The following SDCCAG8 variants were observed in gnomAD, a reference collection of about 807,000 sequenced individuals.
SDCCAG8 encodes serologically defined colon cancer antigen 8.
SDCCAG8 carries 74 observed loss-of-function variants against 101.8 expected under a neutral mutation model. The ratio of observed to expected loss-of-function variants is 0.73; its 90% CI spans 0.60 to 0.88. The LOEUF (loss-of-function observed/expected upper bound fraction) is 0.88, where lower values mean the gene tolerates loss of function less well. Ranked by LOEUF, SDCCAG8 falls within the 40% of genes least tolerant of loss-of-function variation. SDCCAG8 has a pLI of 0.00. For missense variants in SDCCAG8, 787 were observed against 822.6 expected, an observed-to-expected ratio of 0.96 and a Z score of 0.53; for synonymous variants, 281 against 292.9, an observed-to-expected ratio of 0.96 and a Z score of 0.41.
chr1:243,421,121 A>G (rs748721796), intron 15 of SDCCAG8, among the ~76,000 whole-genome samples: 3 of 152,228 alleles, frequency 2.0e-5, no homozygotes, highest in Non-Finnish European at 4.4e-5. Flanking sequence ...GCTTTTCCTC[A>G]GAGTATTACA....
intron 5 of SDCCAG8, among the ~76,000 whole-genome samples, chr1:243,292,313 C>T (rs1467217325): frequency 3.3e-5 from 5 of 152,144 alleles, no homozygotes; most frequent in Non-Finnish European, 7.3e-5. Context: ...AGCCACCAGT[C>T]ATCTTATTAG....
intron 1 of SDCCAG8, among the ~76,000 whole-genome samples, chr1:243,259,615 T>A (rs1019140880): frequency 5.3e-5 from 8 of 151,474 alleles, no homozygotes; most frequent in African/African-American, 1.9e-4. Flanking sequence ...ACGTCTGGAG[T>A]TCGAGAACAG....
At chr1:243,485,070 A>C (rs1664532438) in intron 16 of SDCCAG8, among the ~76,000 whole-genome samples, 1 of 150,860 alleles carries the variant, frequency 6.6e-6, no homozygotes, top group South Asian at 2.1e-4. Context: ...GAAGAAGCAG[A>C]AGAAGAGAGG....
At chr1:243,433,898 C>T (rs1418995399) in intron 16 of SDCCAG8, among the ~76,000 whole-genome samples, 2 of 152,238 alleles carry the variant, frequency 1.3e-5, no homozygotes, top group Non-Finnish European at 1.5e-5. Context: ...CAACTTACTG[C>T]GAATGCTAAT....
chr1:243,269,380 G>A (rs1402649516), intron 1 of SDCCAG8, among the ~76,000 whole-genome samples: 2 of 147,936 alleles, frequency 1.4e-5, no homozygotes, highest in African/African-American at 5.0e-5. Context: ...TCGGCTCGCT[G>A]CAACCCCTTG....
intron 13 of SDCCAG8, among the ~76,000 whole-genome samples, chr1:243,392,100 A>G (rs1558403178): frequency 6.6e-6 from 1 of 152,216 alleles, no homozygotes. Flanking sequence ...CTGTGATTTT[A>G]TGAGGATATA....
chr1:243,476,426 ACCT>A, intron 16 of SDCCAG8: 1 of 907,146 alleles, frequency 1.1e-6, no homozygotes, highest in Non-Finnish European at 1.3e-6. Context: ...ATGCCATCAC[ACCT>A]CTGTGGCTAG....
chr1:243,396,734 A>C (rs1327948878), intron 13 of SDCCAG8, among the ~76,000 whole-genome samples: 2 of 152,250 alleles, frequency 1.3e-5, no homozygotes, highest in African/African-American at 4.8e-5. Context: ...ACACACATGA[A>C]GAAAATACAT....
At chr1:243,479,847 G>A (rs1341936826) in intron 16 of SDCCAG8, among the ~76,000 whole-genome samples, 1 of 152,080 alleles carries the variant, frequency 6.6e-6, no homozygotes, top group Non-Finnish European at 1.5e-5. Flanking sequence ...GATTAATACT[G>A]TGAATTAGAA....
At chr1:243,447,364 A>G (rs1310404709) in intron 16 of SDCCAG8, among the ~76,000 whole-genome samples, 1 of 151,752 alleles carries the variant, frequency 6.6e-6, no homozygotes, top group Non-Finnish European at 1.5e-5. Context: ...ATGAACAACT[A>G]TTCTCTCTCT....
At chr1:243,369,530 C>A (rs772352818) in intron 12 of SDCCAG8, among the ~76,000 whole-genome samples, 4 of 152,104 alleles carry the variant, frequency 2.6e-5, no homozygotes, top group Non-Finnish European at 5.9e-5. Context: ...TATGAACCAT[C>A]TGATTTTATG....
intron 9 of SDCCAG8, among the ~76,000 whole-genome samples, chr1:243,324,809 G>C (rs997633835): frequency 6.6e-6 from 1 of 152,020 alleles, no homozygotes; most frequent in African/African-American, 2.4e-5. Context: ...AGACAAATCT[G>C]GCCCCATTCT....
intron 17 of SDCCAG8, among the ~76,000 whole-genome samples, chr1:243,497,863 G>T (rs1257235793): frequency 6.6e-6 from 1 of 151,988 alleles, no homozygotes; most frequent in Non-Finnish European, 1.5e-5. Flanking sequence ...AATTTTTTTT[G>T]TAGAGATGAG....
chr1:243,335,617 A>G (rs780300862), intron 10 of SDCCAG8, among the ~76,000 whole-genome samples: 10 of 152,092 alleles, frequency 6.6e-5, no homozygotes, highest in Non-Finnish European at 1.3e-4. Context: ...CACATTTTTT[A>G]TGTATCATTT....
At chr1:243,450,116 G>A (rs953904334) in intron 16 of SDCCAG8, among the ~76,000 whole-genome samples, 1 of 152,146 alleles carries the variant, frequency 6.6e-6, no homozygotes, top group South Asian at 2.1e-4. Context: ...CCAGCACTTA[G>A]AGCACTGTAT....
At chr1:243,435,181 G>A (rs544683794) in intron 16 of SDCCAG8, among the ~76,000 whole-genome samples, 1 of 152,178 alleles carries the variant, frequency 6.6e-6, no homozygotes, top group Non-Finnish European at 1.5e-5. Flanking sequence ...AAAGCCAAAA[G>A]TAGAGAGATA....
chr1:243,276,924 A>G (rs963502105), intron 4 of SDCCAG8, among the ~76,000 whole-genome samples: 15 of 152,102 alleles, frequency 9.9e-5, no homozygotes, highest in Non-Finnish European at 2.2e-4. Context: ...TGACTGGCCT[A>G]TTATACTTAG....
chr1:243,447,732 G>A (rs1171556421), intron 16 of SDCCAG8, among the ~76,000 whole-genome samples: 2 of 152,094 alleles, frequency 1.3e-5, no homozygotes, highest in African/African-American at 2.4e-5. Flanking sequence ...GATATTAAAA[G>A]CATTGATAAG....
At chr1:243,291,649 A>G (rs951931387) in intron 5 of SDCCAG8, among the ~76,000 whole-genome samples, 3 of 152,224 alleles carry the variant, frequency 2.0e-5, no homozygotes, top group African/African-American at 7.2e-5. Flanking sequence ...TTTAAAGGAA[A>G]AAACTGTTCC....
Sources: allele counts gnomAD v4.1 joint callset (sites outside exome capture counted in the v4.1 genomes callset), GRCh38; gene constraint gnomAD v4.1.1; transcripts MANE v1.5; gene names NCBI Gene and HGNC (gene_info 2026-07-23, HGNC 2026-07-21).